The following KIF7 variants were observed in gnomAD, a reference collection of about 807,000 sequenced individuals.
The protein encoded by KIF7 is kinesin family member 7, also known as kinesin-like protein KIF7.
Under a neutral mutation model 135.7 loss-of-function variants are expected in KIF7, and 104 were observed. The ratio of observed to expected loss-of-function variants is 0.77; its 90% CI spans 0.65 to 0.90. KIF7 has a LOEUF of 0.90. Among genes scored for constraint, KIF7 ranks in the 40% least tolerant of loss-of-function variants. KIF7 has a pLI of 0.00. For missense variants in KIF7, 2,005 were observed against 1,839.1 expected (o/e 1.09, Z -1.65); for synonymous variants, 883 against 809.4 (o/e 1.09, Z -1.54).
intron 8 of KIF7, 83 bp from the exon 9 acceptor site, chr15:89,645,534 A>T: frequency 9.1e-7 from 1 of 1,099,586 alleles, no homozygotes; most frequent in East Asian, 2.6e-5. Context: ...GGAAGAAGAG[A>T]GGCCACCGGG....
At chr15:89,647,545 C>A (rs926218166) in intron 6 of KIF7, 51 bp downstream of exon 6, 1 of 1,518,002 alleles carries the variant, frequency 6.6e-7, no homozygotes, top group Non-Finnish European at 9.1e-7. Flanking sequence ...TCTGCCTTCC[C>A]TTCATCCTCC....
intron 11 of KIF7, among the ~76,000 whole-genome samples, chr15:89,639,903 CAAT>C (rs1450863382): frequency 2.0e-5 from 3 of 152,078 alleles, no homozygotes; most frequent in Non-Finnish European, 2.9e-5. Context: ...AAATGTCCAA[CAAT>C]GATAGACTGG....
intron 2 of KIF7, among the ~76,000 whole-genome samples, chr15:89,652,170 G>A (rs1385507338): frequency 1.3e-5 from 2 of 152,024 alleles, no homozygotes; most frequent in African/African-American, 4.8e-5. Flanking sequence ...CTGCTCCAGA[G>A]CCTGGCTGAA....
At chr15:89,626,827 G>A, downstream of KIF7, 1 of 1,001,368 alleles carries the variant, frequency 1.0e-6, no homozygotes, top group African/African-American at 1.6e-5. Context: ...TGTAGGATAA[G>A]CGAACCTCCA....
At chr15:89,643,701 A>G (rs1252480309) in intron 10 of KIF7, among the ~76,000 whole-genome samples, 2 of 152,178 alleles carry the variant, frequency 1.3e-5, no homozygotes, top group African/African-American at 2.4e-5. Flanking sequence ...CCTGGCCAAC[A>G]TGGTGAAACC....
At chr15:89,662,266 G>T in the KIF7 span, among the ~76,000 whole-genome samples, 2 of 152,046 alleles carry the variant, frequency 1.3e-5, no homozygotes, top group African/African-American at 2.4e-5. Context: ...GGAGGACAAG[G>T]TGGGCAGATC....
chr15:89,619,940 C>A, intron 1 of KIF7: 3 of 1,437,894 alleles, frequency 2.1e-6, no homozygotes, highest in Middle Eastern at 3.7e-4. Flanking sequence ...TCTTTCTTGA[C>A]ATTGGAGAAG....
chr15:89,649,813 ACTC>A lies in KIF7; in HGVS notation c.454_456del (p.Glu152del), dbSNP rs952839487. On this transcript the variant is annotated inframe_deletion, in exon 3 of 19. Coordinates refer to ENST00000394412, the MANE Select transcript of KIF7 (RefSeq NM_198525.3). ...GTGCCCACCTCGAGCAGGTCTCGGA[ACTC>A]CTCCTTGTACACTTCCAGGTAGGAC... The A allele has an allele frequency of 1.3e-6, 2 of 1,551,634 alleles. No homozygotes were observed. Among genetic ancestry groups the A allele is most frequent in the South Asian group, 1.2e-5 (1 of 84,064 alleles).
At chr15:89,659,115 G>A (rs1964233587), upstream of KIF7, among the ~76,000 whole-genome samples, 1 of 152,014 alleles carries the variant, frequency 6.6e-6, no homozygotes. Flanking sequence ...TTCATTGAAA[G>A]GATGAACAAA....
chr15:89,627,229 C>G, downstream of KIF7: 1 of 992,490 alleles, frequency 1.0e-6, no homozygotes, highest in East Asian at 2.5e-5. Flanking sequence ...TTTCTAATTC[C>G]CCTTATGGAT....
chr15:89,620,914 A>AG (rs1963414235), intron 1 of KIF7, among the ~76,000 whole-genome samples: 1 of 149,794 alleles, frequency 6.7e-6, no homozygotes, highest in Non-Finnish European at 1.5e-5. Flanking sequence ...TAGTAGAGAC[A>AG]GGTTTCACTG....
At position 89,646,683 on chromosome 15, in the gene KIF7, G is replaced by C; in HGVS notation, c.1788+147C>G. On this transcript the variant is annotated intron_variant, in intron 7 of 18. Coordinates refer to ENST00000394412, the MANE Select transcript of KIF7 (RefSeq NM_198525.3). ...CATTCAAATCTTGGCTCTTCCTCTG[G>C]GGACAGCTGAAAGCAGCCTCTCGCA... The C allele has an allele frequency of 4.0e-6, 3 of 754,292 alleles. 1 individual carries two copies. In the Admixed American group the frequency reaches 6.1e-5, roughly 15 times the overall value. The allele number at this position is 754,292 out of a possible 1,614,324, so 46.7% of individuals were successfully genotyped here.
intron 11 of KIF7, among the ~76,000 whole-genome samples, chr15:89,635,852 G>C (rs1278864028): frequency 1.3e-5 from 2 of 152,098 alleles, no homozygotes; most frequent in South Asian, 4.1e-4. Flanking sequence ...TCCTCAAGAA[G>C]AGCAACTCCA....
At position 89,629,130 on chromosome 15, in the gene KIF7, G is replaced by A. The variant is rs1329529526; in HGVS notation, c.3518-8C>T. 1.2e-6 allele frequency: 2 copies of A among 1,610,112 alleles called. No individual in the cohort carries two copies. Among genetic ancestry groups the A allele is most frequent in the Non-Finnish European group, 1.7e-6 (2 of 1,178,924 alleles). On this transcript the variant is annotated splice_region_variant and splice_polypyrimidine_tract_variant and intron_variant, in intron 17 of 18. Coordinates refer to ENST00000394412, the MANE Select transcript of KIF7 (RefSeq NM_198525.3). ...ACCCTTCACCGAGGTGGTCTAGAGTGGAAAGGTCGAGGAGAGGGTGGTGAG... is the reference window on the plus strand; with the variant it reads ...ACCCTTCACCGAGGTGGTCTAGAGTAGAAAGGTCGAGGAGAGGGTGGTGAG...
In KIF7 at chr15:89,630,315, C is replaced by G; in HGVS notation, c.3290G>C (p.Arg1097Thr). Residue 1097 changes from arginine to threonine, a missense_variant, in exon 16 of 19, where the codon AGA becomes ACA. Coordinates refer to ENST00000394412, the MANE Select transcript of KIF7 (RefSeq NM_198525.3). The part of the protein sequence containing the change: ...KLSYLSSSET[R>T]ALLCKYFDKV... ...GTCAAAATACTTGCAGAGGAGGGCT[C>G]TGGTCTCTGAGGATGAGAGGTAGCT... 1 of 1,614,114 alleles carries G rather than the reference C, an allele frequency of 6.2e-7. No individual in the cohort carries two copies. The highest frequency in any genetic ancestry group is 2.2e-5 in the East Asian group (1 of 44,870).
downstream of KIF7, chr15:89,625,187 G>T (rs1451794932): frequency 6.2e-7 from 1 of 1,613,056 alleles, no homozygotes; most frequent in East Asian, 2.2e-5. Flanking sequence ...TCACCCCCCT[G>T]CCCCCGCCTC....
intron 11 of KIF7, among the ~76,000 whole-genome samples, chr15:89,640,460 T>G (rs1228220194): frequency 6.6e-6 from 1 of 152,082 alleles, no homozygotes; most frequent in Non-Finnish European, 1.5e-5. Context: ...ATCAGAAAAC[T>G]GAGGCAGAGA....
At chr15:89,649,401 G>T in intron 3 of KIF7, 34 bp from the exon 4 acceptor site, 1 of 1,445,346 alleles carries the variant, frequency 6.9e-7, no homozygotes. Flanking sequence ...CCCCAGGGCA[G>T]GGGCCGCCAG....
At position 89,632,830 on chromosome 15, in the gene KIF7, C is replaced by T. The variant is rs1406326426; in HGVS notation, c.2885G>A (p.Arg962Lys). The T allele has an allele frequency of 6.2e-7, 1 of 1,605,956 alleles. No individual in the cohort carries two copies. The highest frequency in any genetic ancestry group is 1.1e-5 in the South Asian group (1 of 90,504). ...CTGGCAGGGCCTCACCTGGCTGGATCTCAGGCGCTTGCTCTCCAGCCCCGT... is the reference window on the plus strand; with the variant it reads ...CTGGCAGGGCCTCACCTGGCTGGATTTCAGGCGCTTGCTCTCCAGCCCCGT... Reference protein sequence around the residue: ...EKTGLESKRLRSSQALNEDIV... With the variant: ...EKTGLESKRLKSSQALNEDIV... The change falls in exon 14 of 19, where the codon AGA becomes AAA. Residue 962 changes from arginine (R) to lysine (K), a missense_variant. By Grantham distance (26) the Arg-to-Lys change is conservative. Coordinates refer to ENST00000394412, the MANE Select transcript of KIF7 (RefSeq NM_198525.3).
Sources: gnomAD v4.1 joint callset for allele counts (sites outside exome capture counted in the v4.1 genomes callset) on GRCh38, gnomAD v4.1.1 for gene constraint, MANE v1.5 for transcripts, NCBI Gene and HGNC (gene_info 2026-07-23, HGNC 2026-07-21) for gene names.